Variants in PARD3B observed in about 807,000 individuals in gnomAD.
PARD3B encodes partitioning defective 3 homolog B.
PARD3B carries 103 observed loss-of-function variants against 130.2 expected under a neutral mutation model. The observed-to-expected ratio is 0.79, with a 90% CI of 0.67 to 0.93. The LOEUF (loss-of-function observed/expected upper bound fraction) is 0.93, where lower values mean the gene tolerates loss of function less well. Ranked by LOEUF, PARD3B falls within the 40% of genes least tolerant of loss-of-function variation. The pLI is 0.00. For missense variants in PARD3B, 1,609 were observed against 1,499.2 expected (o/e 1.07, Z -1.21); for synonymous variants, 583 against 553.2 (o/e 1.05, Z -0.76).
chr2:205,500,789 GTTC>G (rs1391146771), intron 21 of PARD3B, among the ~76,000 whole-genome samples: 1 of 152,176 alleles, frequency 6.6e-6, no homozygotes, highest in Admixed American at 6.5e-5. Context: ...GTAATTGTTA[GTTC>G]TTGTTACTGG....
At position 205,530,239 on chromosome 2, in the gene PARD3B, G is replaced by A. The variant is rs766816623; in HGVS notation, c.3181-23085G>A. Among the ~76,000 whole-genome samples the A allele has an allele frequency of 1.8e-4, 28 of 152,116 alleles. No individual in the cohort carries two copies. Among genetic ancestry groups the A allele is most frequent in the African/African-American group, 6.0e-4 (25 of 41,400 alleles). ...GTTTCTAGTGAAGTTTGGAGAAAAC[G>A]TATTATCCTAATATGCTTGAGACCT... On this transcript the variant is annotated intron_variant, in intron 21 of 22. Coordinates refer to ENST00000406610, the MANE Select transcript of PARD3B (RefSeq NM_001302769.2). This position sits in a 1 kb window ranked among gnomAD's most constrained non-coding sequence, Gnocchi z 4.7.
chr2:204,681,706 C>T (rs1331241375), intron 1 of PARD3B, among the ~76,000 whole-genome samples: 1 of 152,134 alleles, frequency 6.6e-6, no homozygotes, highest in African/African-American at 2.4e-5. Context: ...GGCTCCTGTT[C>T]TCTGTCTGCC....
intron 18 of PARD3B, among the ~76,000 whole-genome samples, chr2:205,344,517 C>T (rs1369622045): frequency 6.6e-6 from 1 of 152,160 alleles, no homozygotes; most frequent in Non-Finnish European, 1.5e-5. Flanking sequence ...ACTTTGGACA[C>T]AGAATTCATG....
At chr2:204,825,017 G>A (rs940970454) in intron 2 of PARD3B, among the ~76,000 whole-genome samples, 11 of 152,162 alleles carry the variant, frequency 7.2e-5, no homozygotes, top group African/African-American at 2.7e-4. Flanking sequence ...GGTTTAGGGA[G>A]CATATGTTTT....
At chr2:205,017,172 G>A (rs561348751) in intron 3 of PARD3B, among the ~76,000 whole-genome samples, 1 of 152,126 alleles carries the variant, frequency 6.6e-6, no homozygotes, top group East Asian at 1.9e-4. Flanking sequence ...GTGAAGGAGT[G>A]TCTGGCCTGT....
intron 3 of PARD3B, among the ~76,000 whole-genome samples, chr2:205,023,278 A>G (rs1696760406): frequency 6.6e-6 from 1 of 152,126 alleles, no homozygotes; most frequent in African/African-American, 2.4e-5. Flanking sequence ...CATGGTTGGC[A>G]CTCATTAACA....
At chr2:204,558,164 A>C (rs376944249) in intron 1 of PARD3B, 2 of 152,206 alleles carry the variant, frequency 1.3e-5, no homozygotes, top group African/African-American at 4.8e-5. Flanking sequence ...TTTAGTCTCT[A>C]TCAGATGCAG....
chr2:205,373,740 C>T (rs565006782), intron 18 of PARD3B, among the ~76,000 whole-genome samples: 4 of 152,180 alleles, frequency 2.6e-5, no homozygotes, highest in Admixed American at 6.5e-5. Flanking sequence ...TTTCTTGATC[C>T]GCAACTGTGA....
chr2:205,524,762 C>T (rs540146943), intron 21 of PARD3B, among the ~76,000 whole-genome samples: 2 of 152,300 alleles, frequency 1.3e-5, no homozygotes, highest in Admixed American at 1.3e-4. Flanking sequence ...TCCAGCCTCA[C>T]CCTTCTAATG....
chr2:205,227,293 A>T (rs1310582818), intron 15 of PARD3B, among the ~76,000 whole-genome samples: 1 of 152,170 alleles, frequency 6.6e-6, no homozygotes, highest in African/African-American at 2.4e-5. Context: ...GTCTCCAGCC[A>T]TTATTGTATT....
chr2:204,758,638 G>A lies in PARD3B; in HGVS notation c.222+72356G>A, dbSNP rs567875936. Among the ~76,000 whole-genome samples the A allele has an allele frequency of 2.0e-5, 3 of 152,246 alleles. No homozygotes were observed. The East Asian group carries it at 5.8e-4, about 29-fold the overall frequency. Reference sequence around the variant, plus strand: ...TATGAGTATATTTTAAGGCTCTTTGGCAGATTTCTAAAGTGCCATCAAAGT... The same window carrying A: ...TATGAGTATATTTTAAGGCTCTTTGACAGATTTCTAAAGTGCCATCAAAGT... On this transcript the variant is annotated intron_variant, in intron 2 of 22. Transcript: ENST00000406610.
At position 205,042,758 on chromosome 2, in the gene PARD3B, C is replaced by A. The variant is rs189564085; in HGVS notation, c.395-4823C>A. 1.8e-3 allele frequency among the ~76,000 whole-genome samples: 272 copies of A among 151,978 alleles called. 1 individual carries two copies. Among genetic ancestry groups the A allele is most frequent in the African/African-American group, 6.2e-3 (256 of 41,456 alleles). ...TGTACTGAAATGTTCCTCATTTCCA[C>A]ATTTCCTTTTCTGAAAGATAACTTG... On this transcript the variant is annotated intron_variant, in intron 3 of 22. Transcript: ENST00000406610.
chr2:205,539,822 C>A (rs184454187), intron 21 of PARD3B, among the ~76,000 whole-genome samples: 91 of 152,182 alleles, frequency 6.0e-4, no homozygotes, highest in African/African-American at 2.1e-3. Context: ...ACTAGGTGGA[C>A]TTCACAGAGC....
chr2:205,209,362 T>C (rs2125844513), intron 15 of PARD3B, among the ~76,000 whole-genome samples: 1 of 152,080 alleles, frequency 6.6e-6, no homozygotes, highest in East Asian at 1.9e-4. Context: ...AAGACAAAAT[T>C]GACAAATGGG....
chr2:205,518,773 G>C (rs2106390750), intron 21 of PARD3B, among the ~76,000 whole-genome samples: 1 of 152,282 alleles, frequency 6.6e-6, no homozygotes, highest in Non-Finnish European at 1.5e-5. Context: ...AGGCAGGTCT[G>C]GTCGTAGTGA....
intron 18 of PARD3B, among the ~76,000 whole-genome samples, chr2:205,358,215 G>A (rs2044265308): frequency 2.0e-5 from 3 of 152,150 alleles, no homozygotes; most frequent in South Asian, 2.1e-4. Flanking sequence ...TCCAATCACC[G>A]CTACTCTTTT....
At chr2:204,959,421 T>C (rs779883638) in intron 2 of PARD3B, among the ~76,000 whole-genome samples, 1 of 152,210 alleles carries the variant, frequency 6.6e-6, no homozygotes, top group African/African-American at 2.4e-5. Context: ...CTATTGTAAA[T>C]AGTGCTGCAA....
rs1424424839 is a variant in PARD3B at position 205,105,933 on chromosome 2, T to A, written c.593+1419T>A. Among the ~76,000 whole-genome samples, 1 of 151,890 alleles carries A rather than the reference T, an allele frequency of 6.6e-6. No individual in the cohort carries two copies. The highest frequency in any genetic ancestry group is 1.5e-5 in the Non-Finnish European group (1 of 67,964). ...AGACATAATGATTGTAATGCTCTTA[T>A]TCTATTTGGCTTTAATTTCACTTAT... On this transcript the variant is annotated intron_variant, in intron 5 of 22. Coordinates refer to ENST00000406610, the MANE Select transcript of PARD3B (RefSeq NM_001302769.2). This position sits in a 1 kb window ranked among gnomAD's most constrained non-coding sequence, Gnocchi z 4.0.
intron 21 of PARD3B, among the ~76,000 whole-genome samples, chr2:205,521,216 T>A (rs2051035645): frequency 6.6e-6 from 1 of 151,984 alleles, no homozygotes; most frequent in African/African-American, 2.4e-5. Flanking sequence ...TGATGGCAAA[T>A]ATCAATTATG....
Sources: allele counts gnomAD v4.1 joint callset (sites outside exome capture counted in the v4.1 genomes callset), GRCh38; gene constraint gnomAD v4.1.1; non-coding constraint Gnocchi (gnomAD v3.1); transcripts MANE v1.5; gene names NCBI Gene and HGNC (gene_info 2026-07-23, HGNC 2026-07-21).